Variants in GRM3 observed in about 807,000 individuals in gnomAD.
The protein encoded by GRM3 is metabotropic glutamate receptor 3.
Under a neutral mutation model 70.5 loss-of-function variants are expected in GRM3, and 26 were observed. The ratio of observed to expected loss-of-function variants is 0.37; its 90% CI spans 0.27 to 0.51. The LOEUF (loss-of-function observed/expected upper bound fraction) is 0.51. Ranked by LOEUF, GRM3 falls within the 20% of genes least tolerant of loss-of-function variation. GRM3 has a pLI of 0.93. For synonymous variants in GRM3, 443 were observed against 434.9 expected, an observed-to-expected ratio of 1.02 and a Z score of -0.23; for missense variants, 859 against 1,123.8, an observed-to-expected ratio of 0.76 and a Z score of 3.37.
At chr7:86,705,301 G>T (rs977942773) in intron 1 of GRM3, among the ~76,000 whole-genome samples, 1 of 151,690 alleles carries the variant, frequency 6.6e-6, no homozygotes, top group Admixed American at 6.6e-5. Context: ...TCATTAAAGT[G>T]AAACACAAAG....
intron 1 of GRM3, among the ~76,000 whole-genome samples, chr7:86,707,353 C>T (rs1464980003): frequency 6.6e-6 from 1 of 152,070 alleles, no homozygotes; most frequent in Non-Finnish European, 1.5e-5. Flanking sequence ...TTGTCCTCTA[C>T]AAAATGAGGC....
In GRM3 at chr7:86,832,923, G is replaced by A. The variant is rs561924345; in HGVS notation, c.1325-5916G>A. 6.3e-5 allele frequency: 39 copies of A among 622,928 alleles called. No homozygotes were observed. The African/African-American group carries it at 7.1e-4, about 11-fold the overall frequency. 38.6% of individuals were successfully genotyped at this position (622,928 alleles called of 1,614,324 possible). On this transcript the variant is annotated intron_variant, in intron 3 of 5. Transcript: ENST00000361669. ...GTGAAGACCTGATTTTGAAGCACCC[G>A]AGTGATGAGGAGCTTGAAATTAGAG...
chr7:86,784,014 T>C (rs1204950922), intron 2 of GRM3, among the ~76,000 whole-genome samples: 1 of 152,148 alleles, frequency 6.6e-6, no homozygotes, highest in Non-Finnish European at 1.5e-5. Flanking sequence ...ATGTTGGCAA[T>C]AGTTGCTGTT....
In GRM3 at chr7:86,825,687, C is replaced by T. The variant is rs1178779827; in HGVS notation, c.1325-13152C>T. Among the ~76,000 whole-genome samples the T allele has an allele frequency of 3.3e-5, 5 of 152,294 alleles. No homozygotes were observed. The South Asian group carries it at 1.0e-3, about 32-fold the overall frequency. On this transcript the variant is annotated intron_variant, in intron 3 of 5. Coordinates refer to ENST00000361669, the MANE Select transcript of GRM3 (RefSeq NM_000840.3). Reference sequence around the variant, plus strand: ...TGTGCTTGTCTTCGGAAAGTTCATCCTTGAAGGCTGAATAAAATTTTCCTG... The same window carrying T: ...TGTGCTTGTCTTCGGAAAGTTCATCTTTGAAGGCTGAATAAAATTTTCCTG...
intron 1 of GRM3, among the ~76,000 whole-genome samples, chr7:86,681,653 GTA>G (rs1012226161): frequency 1.3e-5 from 2 of 152,080 alleles, no homozygotes; most frequent in Non-Finnish European, 2.9e-5. Flanking sequence ...TGAGGAAATA[GTA>G]TAACGTCTCT....
intron 1 of GRM3, among the ~76,000 whole-genome samples, chr7:86,660,878 C>T (rs1386651947): frequency 1.3e-5 from 2 of 151,888 alleles, no homozygotes; most frequent in Non-Finnish European, 2.9e-5. Flanking sequence ...TTTAGCCATG[C>T]CATTTTTGAT....
At chr7:86,665,949 T>C (rs1584149098) in intron 1 of GRM3, among the ~76,000 whole-genome samples, 1 of 152,080 alleles carries the variant, frequency 6.6e-6, no homozygotes, top group Non-Finnish European at 1.5e-5. Context: ...TGTGGGCTGT[T>C]AGACACATTT....
At chr7:86,847,396 G>T (rs371659666) in intron 4 of GRM3, among the ~76,000 whole-genome samples, 1 of 152,152 alleles carries the variant, frequency 6.6e-6, no homozygotes, top group Non-Finnish European at 1.5e-5. Context: ...GACACTTGGG[G>T]AAAGGGACCA....
chr7:86,676,874 G>A (rs1235107106), intron 1 of GRM3, among the ~76,000 whole-genome samples: 3 of 151,940 alleles, frequency 2.0e-5, no homozygotes, highest in African/African-American at 7.2e-5. Context: ...TGCTATTATA[G>A]AGACTTCTTT....
chr7:86,657,099 G>A (rs975884413), intron 1 of GRM3, among the ~76,000 whole-genome samples: 2 of 151,972 alleles, frequency 1.3e-5, no homozygotes, highest in African/African-American at 2.4e-5. Context: ...AGGCATTTTC[G>A]ATCTCAAATA....
chr7:86,694,742 G>T (rs889801483), intron 1 of GRM3, among the ~76,000 whole-genome samples: 1 of 152,110 alleles, frequency 6.6e-6, no homozygotes, highest in Non-Finnish European at 1.5e-5. Context: ...GGCCATGAAA[G>T]TTAGGTCATT....
At position 86,864,711 on chromosome 7, in the gene GRM3, T is replaced by C. The variant is rs1261524534; in HGVS notation, c.*356T>C. On this transcript the variant is annotated 3_prime_UTR_variant, in exon 6 of 6. Transcript: ENST00000361669. ...CGGTGGCAATATTATGTAACCTTTT[T>C]TCCTATGAAGTTTTTTGTAGGTCCT... 5.8e-6 allele frequency: 1 copy of C among 172,036 alleles called. No individual in the cohort carries two copies. The highest frequency in any genetic ancestry group is 2.4e-5 in the African/African-American group (1 of 42,182). The allele number at this position is 172,036 out of a possible 1,614,324, so 10.7% of individuals were successfully genotyped here.
intron 2 of GRM3, among the ~76,000 whole-genome samples, chr7:86,766,983 G>C (rs112695792): frequency 6.6e-6 from 1 of 152,264 alleles, no homozygotes; most frequent in Non-Finnish European, 1.5e-5. Flanking sequence ...GGCTGAGGCA[G>C]GCAGATCACC....
chr7:86,729,256 T>C (rs544123933), intron 1 of GRM3, among the ~76,000 whole-genome samples: 34 of 152,330 alleles, frequency 2.2e-4, no homozygotes, highest in African/African-American at 8.2e-4. Flanking sequence ...TTCTTATCTT[T>C]GTCATCTGTA....
intron 3 of GRM3, among the ~76,000 whole-genome samples, chr7:86,811,514 G>T (rs1389642778): frequency 6.6e-6 from 1 of 151,730 alleles, no homozygotes; most frequent in African/African-American, 2.4e-5. Context: ...CAGCAGCTTA[G>T]ATGACACTAT....
intron 1 of GRM3, among the ~76,000 whole-genome samples, chr7:86,671,076 G>T (rs1584153122): frequency 6.6e-6 from 1 of 152,158 alleles, no homozygotes; most frequent in African/African-American, 2.4e-5. Flanking sequence ...TGTCTCCCAG[G>T]CTGGAGTGCA....
At chr7:86,724,681 G>A (rs538088589) in intron 1 of GRM3, among the ~76,000 whole-genome samples, 107 of 152,174 alleles carry the variant, frequency 7.0e-4, no homozygotes, top group South Asian at 5.4e-3. Flanking sequence ...GCCTGGGATG[G>A]AGCCTGAGAG....
intron 3 of GRM3, among the ~76,000 whole-genome samples, chr7:86,826,902 G>A (rs1371055620): frequency 6.6e-6 from 1 of 152,134 alleles, no homozygotes; most frequent in East Asian, 1.9e-4. Flanking sequence ...AGGCCCTTAA[G>A]ATTCACATTT....
intron 1 of GRM3, among the ~76,000 whole-genome samples, chr7:86,736,926 T>A (rs1304262846): frequency 6.6e-6 from 1 of 152,048 alleles, no homozygotes; most frequent in Non-Finnish European, 1.5e-5. Flanking sequence ...AACCCATATC[T>A]AATGAGATTC....
Sources: allele counts gnomAD v4.1 joint callset (sites outside exome capture counted in the v4.1 genomes callset), GRCh38; gene constraint gnomAD v4.1.1; transcripts MANE v1.5; gene names NCBI Gene and HGNC (gene_info 2026-07-23, HGNC 2026-07-21).